Variants in URI1 observed in about 807,000 individuals in gnomAD.
URI1 encodes the protein unconventional prefoldin RPB5 interactor 1.
Under a neutral mutation model 60.2 loss-of-function variants are expected in URI1, and 39 were observed. That is an observed-to-expected ratio of 0.65 (90% CI 0.50 to 0.85). The LOEUF (loss-of-function observed/expected upper bound fraction) is 0.85, where lower values mean the gene tolerates loss of function less well. Among genes scored for constraint, URI1 ranks in the 40% least tolerant of loss-of-function variants. The probability of loss-of-function intolerance (pLI) is 0.00; values close to 1 mark genes in which losing one functional copy is unlikely to be tolerated. For missense variants in URI1, 691 were observed against 665.9 expected, an observed-to-expected ratio of 1.04 and a Z score of -0.42; for synonymous variants, 251 against 236.8, an observed-to-expected ratio of 1.06 and a Z score of -0.55.
chr19:29,980,684 G>C (rs938565998), intron 2 of URI1, among the ~76,000 whole-genome samples: 1 of 147,478 alleles, frequency 6.8e-6, no homozygotes, highest in Non-Finnish European at 1.5e-5. Context: ...CAGCACTCTG[G>C]GAGGCCGAAG....
Position 30,007,613 on chromosome 19 carries a change from G to C in URI1, c.661G>C (p.Glu221Gln), listed in dbSNP as rs754000804. 2.9e-5 allele frequency: 46 copies of C among 1,608,756 alleles called. No individual in the cohort carries two copies. The East Asian group carries it at 1.0e-3, about 35-fold the overall frequency. Residue 221 changes from glutamate to glutamine, a missense_variant, in exon 7 of 11, where the codon GAA (glutamate) becomes CAA (glutamine). By Grantham distance (29) the Glu-to-Gln change is conservative (BLOSUM62 2). Transcript: ENST00000392271. ...WARLEELERQ[E>Q]ELLGELDSKP... ...TCGACTTGAAGAACTAGAGAGACAGGAAGAATTGCTGGGTGAACTTGATAG... is the reference window on the plus strand; with the variant it reads ...TCGACTTGAAGAACTAGAGAGACAGCAAGAATTGCTGGGTGAACTTGATAG...
At chr19:29,975,500 C>CTTTTTTTTTTTTTTTTTTTTTTTTTT (rs10717602) in intron 2 of URI1, among the ~76,000 whole-genome samples, 1 of 72,364 alleles carries the variant, frequency 1.4e-5, no homozygotes. Flanking sequence ...GTTCTGTTTA[C>CTTTTTTTTTTTTTTTTTTTTTTTTTT]TTTTTTTTTT....
intron 1 of URI1, among the ~76,000 whole-genome samples, chr19:29,960,710 T>C (rs1458651589): frequency 6.6e-6 from 1 of 152,180 alleles, no homozygotes; most frequent in East Asian, 1.9e-4. Context: ...AGTCTAGATA[T>C]CTTTTCCTTT....
chr19:30,011,151 G>A lies in URI1; in HGVS notation c.1093G>A (p.Ala365Thr). The A allele has an allele frequency of 6.2e-7, 1 of 1,613,156 alleles. No individual in the cohort carries two copies. Among genetic ancestry groups the A allele is most frequent in the Non-Finnish European group, 8.5e-7 (1 of 1,179,686 alleles). The change falls in exon 9 of 11, where the codon GCC (alanine) becomes ACC (threonine). Residue 365 changes from alanine (A) to threonine (T), a missense_variant. Ala to Thr is a moderately conservative substitution (Grantham distance 58). Transcript: ENST00000392271. Reference sequence around the variant, plus strand: ...AAAATTCAGTGAAAAGAAAGAAGAAGCCAAACGTAAACGAAAGAACAGCAC... The same window carrying A: ...AAAATTCAGTGAAAAGAAAGAAGAAACCAAACGTAAACGAAAGAACAGCAC... ...TLKFSEKKEE[A>T]KRKRKNSTGS...
chr19:29,988,154 C>T (rs562333294), intron 4 of URI1, among the ~76,000 whole-genome samples: 4 of 109,514 alleles, frequency 3.7e-5, no homozygotes, highest in African/African-American at 1.1e-4. Context: ...GGCAACAAAG[C>T]GAAATTTTGT....
chr19:29,942,520 A>G lies in URI1; in HGVS notation c.-28A>G, dbSNP rs934442070. On this transcript the variant is annotated 5_prime_UTR_variant, in exon 1 of 11. Coordinates refer to ENST00000392271, the MANE Select transcript of URI1 (RefSeq NM_003796.3). ...GCGCAGGCGCTGGTTCAGGACTCAC[A>G]CGCCGCGCTGAGGCCCGCGGGCCCG... 55 of 1,350,388 alleles carry G rather than the reference A, an allele frequency of 4.1e-5. No homozygotes were observed. Among genetic ancestry groups the G allele is most frequent in the Non-Finnish European group, 5.0e-5 (53 of 1,049,762 alleles). 83.7% of individuals were successfully genotyped at this position (1,350,388 alleles called of 1,614,324 possible). A position where few individuals can be genotyped will look rare whatever the true frequency, so the allele number is the denominator to read the frequency against.
intron 7 of URI1, 62 bp from the exon 8 acceptor site, chr19:30,008,943 A>T: frequency 7.6e-7 from 1 of 1,317,628 alleles, no homozygotes; most frequent in Non-Finnish European, 1.0e-6. Flanking sequence ...ACTAACTGGA[A>T]ATTTAAATAA....
chr19:29,964,855 GTTTT>G (rs1184124643), intron 1 of URI1, among the ~76,000 whole-genome samples: 2 of 136,776 alleles, frequency 1.5e-5, no homozygotes, highest in African/African-American at 5.4e-5. Flanking sequence ...ATATTTTCCT[GTTTT>G]TTTTTTTTTT....
At chr19:29,988,900 G>A (rs2055707398) in intron 4 of URI1, among the ~76,000 whole-genome samples, 1 of 152,118 alleles carries the variant, frequency 6.6e-6, no homozygotes, top group Non-Finnish European at 1.5e-5. Context: ...ATCTCTTTCA[G>A]CAGTGTGTGA....
At chr19:29,943,708 G>C (rs2055062135) in intron 1 of URI1, among the ~76,000 whole-genome samples, 1 of 152,076 alleles carries the variant, frequency 6.6e-6, no homozygotes, top group Non-Finnish European at 1.5e-5. Context: ...CCACCTGTTG[G>C]GATGAACTGC....
At chr19:30,007,391 A>G in intron 6 of URI1, 79 bp from the exon 7 acceptor site, 1 of 1,482,760 alleles carries the variant, frequency 6.7e-7, no homozygotes, top group African/African-American at 1.4e-5. Flanking sequence ...TTGCCCCAAA[A>G]GAAAGTCTCA....
At chr19:29,972,573 C>G (rs188321194) in intron 2 of URI1, among the ~76,000 whole-genome samples, 3 of 152,150 alleles carry the variant, frequency 2.0e-5, no homozygotes, top group African/African-American at 7.2e-5. Context: ...TGGTAACTTG[C>G]TTCTGGTTTG....
intron 2 of URI1, among the ~76,000 whole-genome samples, chr19:29,973,471 A>G (rs1199449982): frequency 1.3e-5 from 2 of 152,170 alleles, no homozygotes; most frequent in Admixed American, 6.5e-5. Context: ...AGTACGCACC[A>G]GTATAGTAAA....
chr19:30,002,684 A>G (rs1242515802), intron 4 of URI1, among the ~76,000 whole-genome samples: 1 of 151,624 alleles, frequency 6.6e-6, no homozygotes, highest in Non-Finnish European at 1.5e-5. Flanking sequence ...TTTAGTTTTT[A>G]TTTTTTGGGG....
chr19:29,923,665 C>T (rs3745643), exon 1 of URI1: 1 of 1,535,564 alleles, frequency 6.5e-7, no homozygotes, highest in Non-Finnish European at 8.7e-7. Context: ...TCACTCTTTT[C>T]CAGGCTCCTT....
intron 4 of URI1, among the ~76,000 whole-genome samples, chr19:29,997,378 A>G (rs1223009808): frequency 1.3e-5 from 2 of 152,200 alleles, no homozygotes; most frequent in East Asian, 1.9e-4. Context: ...TAATTTCTGT[A>G]ATAGTTTTTA....
intron 1 of URI1, among the ~76,000 whole-genome samples, chr19:29,950,509 TTAGAG>T (rs1483964528): frequency 3.3e-5 from 5 of 152,222 alleles, no homozygotes; most frequent in South Asian, 2.1e-4. Flanking sequence ...TGACCACTGT[TTAGAG>T]TAATCAGTTA....
chr19:29,924,748 G>A (rs1242560562), intron 1 of URI1, among the ~76,000 whole-genome samples: 1 of 152,220 alleles, frequency 6.6e-6, no homozygotes, highest in Non-Finnish European at 1.5e-5. Flanking sequence ...AGCCGGGGTG[G>A]GGCTCCACTG....
chr19:29,934,374 T>C (rs989588043), intron 1 of URI1, among the ~76,000 whole-genome samples: 2 of 152,214 alleles, frequency 1.3e-5, no homozygotes, highest in African/African-American at 4.8e-5. Context: ...GCTTAAACAA[T>C]AGAAATTTAT....
Sources: gnomAD v4.1 joint callset for allele counts (sites outside exome capture counted in the v4.1 genomes callset) on GRCh38, gnomAD v4.1.1 for gene constraint, MANE v1.5 for transcripts, NCBI Gene and HGNC (gene_info 2026-07-23, HGNC 2026-07-21) for gene names.